TBPL1: variants seen among roughly 807,000 people sequenced by gnomAD.
TBPL1 encodes TATA-box binding protein like 1, also known as TATA box-binding protein-like 1.
A neutral mutation model predicts 22.1 loss-of-function variants in TBPL1; 4 were observed. That is an observed-to-expected ratio of 0.18 (90% CI 0.09 to 0.41). The LOEUF (loss-of-function observed/expected upper bound fraction) is 0.41, where lower values mean the gene tolerates loss of function less well. Among genes scored for constraint, TBPL1 ranks in the 10% least tolerant of loss-of-function variants. The pLI is 1.00. For synonymous variants in TBPL1, 64 were observed against 71.0 expected (o/e 0.90, Z 0.50); for missense variants, 115 against 222.3 (o/e 0.52, Z 3.07).
chr6:133,982,225 G>T (rs1270772706), intron 2 of TBPL1, among the ~76,000 whole-genome samples: 3 of 152,208 alleles, frequency 2.0e-5, no homozygotes, highest in Non-Finnish European at 4.4e-5. Flanking sequence ...TCTGAAGCAT[G>T]AACAGATTTG....
chr6:133,963,181 T>G (rs1042729461), intron 1 of TBPL1, among the ~76,000 whole-genome samples: 5 of 152,222 alleles, frequency 3.3e-5, no homozygotes, highest in Admixed American at 3.3e-4. Context: ...GAAGTCTTGA[T>G]GTTCTCTGAA....
At chr6:133,968,229 C>G (rs1776155353) in intron 1 of TBPL1, among the ~76,000 whole-genome samples, 1 of 151,908 alleles carries the variant, frequency 6.6e-6, no homozygotes, top group African/African-American at 2.4e-5. Context: ...CCTCGTGATC[C>G]ACCTGGCCAG....
chr6:133,968,011 CTT>C (rs535103637), intron 1 of TBPL1, among the ~76,000 whole-genome samples: 29 of 135,980 alleles, frequency 2.1e-4, no homozygotes, highest in Non-Finnish European at 1.9e-4. Flanking sequence ...TGACTATTTT[CTT>C]TTTTTTTTTT....
intron 1 of TBPL1, 130 bp from the exon 2 acceptor site, chr6:133,979,952 C>A (rs1776380108): frequency 4.2e-6 from 3 of 720,370 alleles, no homozygotes; most frequent in Admixed American, 4.3e-5. Flanking sequence ...CGGCCAGGGA[C>A]ATGATTTGAT....
chr6:133,961,844 G>T (rs1040147324), intron 1 of TBPL1, among the ~76,000 whole-genome samples: 1 of 151,958 alleles, frequency 6.6e-6, no homozygotes. Flanking sequence ...TCATTATCTC[G>T]TTTCCTTTAT....
rs750309388 is a variant in TBPL1 at position 133,986,939 on chromosome 6, T to A, written c.482-22T>A. ...CCCTTTTCCAACTCTTCTCACTCCT[T>A]CCTCCATTGTGTTTATTACAGGGCC... On this transcript the variant is annotated intron_variant, in intron 6 of 6. Coordinates refer to ENST00000237264, the MANE Select transcript of TBPL1 (RefSeq NM_004865.4). 1.3e-5 allele frequency: 21 copies of A among 1,560,634 alleles called. No individual in the cohort carries two copies. In the Middle Eastern group the frequency reaches 1.4e-3, roughly 100 times the overall value.
chr6:133,978,056 G>C (rs1450686121), intron 1 of TBPL1, among the ~76,000 whole-genome samples: 1 of 152,126 alleles, frequency 6.6e-6, no homozygotes, highest in African/African-American at 2.4e-5. Context: ...GACATCTATA[G>C]TATTTTATTT....
chr6:133,978,985 G>A (rs1776362528), intron 1 of TBPL1, among the ~76,000 whole-genome samples: 1 of 152,158 alleles, frequency 6.6e-6, no homozygotes, highest in Non-Finnish European at 1.5e-5. Context: ...GTGTGAAAAT[G>A]CAAAGAGAGA....
At chr6:133,967,565 T>TAC (rs1353647552) in intron 1 of TBPL1, among the ~76,000 whole-genome samples, 1 of 152,194 alleles carries the variant, frequency 6.6e-6, no homozygotes, top group African/African-American at 2.4e-5. Context: ...TAGAATCTAC[T>TAC]ACACACCTGG....
At chr6:133,968,135 C>T (rs1476388018) in intron 1 of TBPL1, among the ~76,000 whole-genome samples, 15 of 151,850 alleles carry the variant, frequency 9.9e-5, no homozygotes, top group African/African-American at 2.9e-4. Flanking sequence ...ACTACAGGCG[C>T]GTGCCACCAC....
At position 133,982,817 on chromosome 6, in the gene TBPL1, T is replaced by C. The variant is rs773786833; in HGVS notation, c.219T>C (p.Ser73=). Residue 73 remains serine (S), a splice_region_variant and synonymous_variant, in exon 4 of 7, where the codon AGT becomes AGC. Transcript: ENST00000237264. ...TCTTTTTCTTTCCTTAAAACCGTAGTGAAGAAGAAGCTAAATTTGGTGCCA... is the reference window on the plus strand; with the variant it reads ...TCTTTTTCTTTCCTTAAAACCGTAGCGAAGAAGAAGCTAAATTTGGTGCCA... ...SGKIICTGAT[S]EEEAKFGARR... The C allele has an allele frequency of 6.2e-7, 1 of 1,610,718 alleles. No individual in the cohort carries two copies. The highest frequency in any genetic ancestry group is 1.1e-5 in the South Asian group (1 of 89,894).
At chr6:133,984,152 A>T (rs1052672906) in intron 4 of TBPL1, among the ~76,000 whole-genome samples, 1 of 152,172 alleles carries the variant, frequency 6.6e-6, no homozygotes, top group East Asian at 1.9e-4. Flanking sequence ...TACTGTTTTG[A>T]TCATGCAAAT....
intron 1 of TBPL1, among the ~76,000 whole-genome samples, chr6:133,955,714 G>T (rs754927575): frequency 6.6e-6 from 1 of 152,076 alleles, no homozygotes; most frequent in African/African-American, 2.4e-5. Context: ...AATTGTAGAC[G>T]GTCACTTTTT....
intron 1 of TBPL1, among the ~76,000 whole-genome samples, chr6:133,958,339 G>A (rs1485918922): frequency 1.3e-5 from 2 of 152,326 alleles, no homozygotes; most frequent in East Asian, 1.9e-4. Context: ...GTTAGTATCA[G>A]TGTAAAGCCA....
chr6:133,965,611 GT>G (rs61257773), intron 1 of TBPL1, among the ~76,000 whole-genome samples: 1,581 of 144,808 alleles, frequency 0.011, 42 homozygotes, highest in Admixed American at 0.066. Context: ...AGTTTTGTGG[GT>G]TTTTTTTTTT....
At position 133,982,846 on chromosome 6, in the gene TBPL1, G is replaced by A. The variant is rs1210189520; in HGVS notation, c.248G>A (p.Arg83His). 6.2e-7 allele frequency: 1 copy of A among 1,611,484 alleles called. No individual in the cohort carries two copies. The highest frequency in any genetic ancestry group is 1.1e-5 in the South Asian group (1 of 90,112). The change falls in exon 4 of 7, where the codon CGC becomes CAC. Residue 83 changes from arginine to histidine, a missense_variant. Physicochemically the swap from Arg to His is conservative, Grantham distance 29 (BLOSUM62 0). Coordinates refer to ENST00000237264, the MANE Select transcript of TBPL1 (RefSeq NM_004865.4). The stretch of plus-strand genomic sequence containing the variant: ...GAAGAAGCTAAATTTGGTGCCAGAC[G>A]CTTAGCCCGTAGTCTGCAGAAACTA... ...SEEEAKFGAR[R>H]LARSLQKLGF...
intron 1 of TBPL1, among the ~76,000 whole-genome samples, chr6:133,970,750 A>C (rs1324100109): frequency 6.6e-6 from 1 of 151,998 alleles, no homozygotes; most frequent in Non-Finnish European, 1.5e-5. Flanking sequence ...ACAGGCATGC[A>C]CCACCATACC....
At position 133,984,320 on chromosome 6, in the gene TBPL1, A is replaced by T. The variant is rs1776469136; in HGVS notation, c.283-56A>T. On this transcript the variant is annotated intron_variant, in intron 4 of 6. Coordinates refer to ENST00000237264, the MANE Select transcript of TBPL1 (RefSeq NM_004865.4). ...TTTTAAGGATTGCCATTATGAGCAG[A>T]TTTTTTGTTTGTTTGTTTCAAAATA... The T allele has an allele frequency of 2.9e-6, 4 of 1,385,994 alleles. No individual in the cohort carries two copies. In the Admixed American group the frequency reaches 8.3e-5, roughly 29 times the overall value. 85.9% of individuals were successfully genotyped at this position (1,385,994 alleles called of 1,614,324 possible). A position where few individuals can be genotyped will look rare whatever the true frequency, so the allele number is the denominator to read the frequency against.
intron 1 of TBPL1, among the ~76,000 whole-genome samples, chr6:133,960,024 G>T (rs530939877): frequency 2.6e-5 from 4 of 152,160 alleles, no homozygotes; most frequent in Non-Finnish European, 5.9e-5. Context: ...CTGGTGAGCC[G>T]CAAGCGTTTT....
Sources: allele counts gnomAD v4.1 joint callset (sites outside exome capture counted in the v4.1 genomes callset), GRCh38; gene constraint gnomAD v4.1.1; transcripts MANE v1.5; gene names NCBI Gene and HGNC (gene_info 2026-07-23, HGNC 2026-07-21).